Variants in RALB observed in about 807,000 individuals in gnomAD.
RALB encodes the protein RAS like proto-oncogene B, also known as ras-related protein Ral-B.
In RALB, 16 loss-of-function variants were observed where a neutral mutation model predicts 21.3. The ratio of observed to expected loss-of-function variants is 0.75; its 90% CI spans 0.51 to 1.14. The LOEUF is 1.14. RALB is among the 50% of genes most tolerant of loss of function. The probability of loss-of-function intolerance (pLI) is 0.00; values close to 1 mark genes in which losing one functional copy is unlikely to be tolerated. For missense variants in RALB, 161 were observed against 256.2 expected (o/e 0.63, Z 2.54); for synonymous variants, 93 against 96.1 (o/e 0.97, Z 0.19).
chr2:120,241,833 G>T (rs1320429789), intron 1 of RALB, among the ~76,000 whole-genome samples: 3 of 152,216 alleles, frequency 2.0e-5, no homozygotes, highest in African/African-American at 7.2e-5. Flanking sequence ...ATGCGTAATG[G>T]TGCAGTTGCT....
chr2:120,260,626 C>T (rs1689340289), intron 1 of RALB, among the ~76,000 whole-genome samples: 1 of 152,138 alleles, frequency 6.6e-6, no homozygotes, highest in South Asian at 2.1e-4. Context: ...GAGAAAGGGC[C>T]CAGAGAGCCA....
chr2:120,243,897 C>G (rs1251088097), intron 1 of RALB, among the ~76,000 whole-genome samples: 1 of 152,136 alleles, frequency 6.6e-6, no homozygotes, highest in Non-Finnish European at 1.5e-5. Flanking sequence ...CAGACATTGG[C>G]TGTATTAGTC....
At chr2:120,243,246 T>C (rs965208174) in intron 1 of RALB, among the ~76,000 whole-genome samples, 6 of 152,206 alleles carry the variant, frequency 3.9e-5, no homozygotes, top group African/African-American at 7.2e-5. Context: ...GGCCATGTAA[T>C]TGGTCGTGAA....
Position 120,293,381 on chromosome 2 carries a change from C to A in RALB, c.*121C>A. On this transcript the variant is annotated 3_prime_UTR_variant, in exon 5 of 5. Coordinates refer to ENST00000272519, the MANE Select transcript of RALB (RefSeq NM_002881.3). ...CTCTCCCCGACTTCATTCACTCAAA[C>A]TTCTTTAAATGGGGAAAAATATTTG... is the stretch of plus-strand genomic sequence containing the variant. 1.8e-6 allele frequency: 2 copies of A among 1,118,070 alleles called. No individual in the cohort carries two copies. The highest frequency in any genetic ancestry group is 1.2e-6 in the Non-Finnish European group (1 of 843,720). The allele number at this position is 1,118,070 out of a possible 1,614,324, so 69.3% of individuals were successfully genotyped here.
rs189876678 is a variant in RALB at position 120,261,555 on chromosome 2, G to A, written c.-48+8575G>A. Among the ~76,000 whole-genome samples the A allele has an allele frequency of 1.2e-4, 18 of 152,278 alleles. No individual in the cohort carries two copies. The East Asian group carries it at 2.7e-3, about 23-fold the overall frequency. ...AGGAAGTGTGGGGGAATGCCCATTC[G>A]TGGTTTGTGATCATAAGTGCATTGA... On this transcript the variant is annotated intron_variant, in intron 1 of 4. Transcript: ENST00000272519.
intron 1 of RALB, among the ~76,000 whole-genome samples, chr2:120,268,289 C>T (rs1160364016): frequency 6.7e-6 from 1 of 148,914 alleles, no homozygotes; most frequent in East Asian, 1.9e-4. Context: ...CTCCTGAGTC[C>T]CAGCCCTATC....
intron 1 of RALB, among the ~76,000 whole-genome samples, chr2:120,264,106 C>A (rs1689438463): frequency 6.6e-6 from 1 of 151,786 alleles, no homozygotes; most frequent in Admixed American, 6.6e-5. Context: ...GCCTCAGCCT[C>A]CCAAAGTGCT....
chr2:120,254,465 C>T (rs1231299922), intron 1 of RALB, among the ~76,000 whole-genome samples: 1 of 152,090 alleles, frequency 6.6e-6, no homozygotes, highest in Admixed American at 6.5e-5. Flanking sequence ...AGAACATTTT[C>T]CCAGGATTGT....
At chr2:120,270,593 A>G (rs779521798) in intron 1 of RALB, among the ~76,000 whole-genome samples, 6 of 128,534 alleles carry the variant, frequency 4.7e-5, no homozygotes, top group Non-Finnish European at 8.3e-5. Flanking sequence ...AGACACAACA[A>G]TGGAAAATAA....
chr2:120,246,749 T>G (rs772520134), intron 1 of RALB, among the ~76,000 whole-genome samples: 4 of 152,174 alleles, frequency 2.6e-5, no homozygotes, highest in African/African-American at 4.8e-5. Context: ...GACTGGACCT[T>G]CAGGTGCTCT....
chr2:120,275,937 T>C (rs1689782123), intron 1 of RALB, among the ~76,000 whole-genome samples: 1 of 152,142 alleles, frequency 6.6e-6, no homozygotes, highest in Non-Finnish European at 1.5e-5. Flanking sequence ...TGCAGGGGTT[T>C]TTACAGATGT....
chr2:120,252,727 C>T (rs1411433008), upstream of RALB: 1 of 960,082 alleles, frequency 1.0e-6, no homozygotes, highest in Non-Finnish European at 1.2e-6. Context: ...GGAAAATCAG[C>T]CTCGGATTGG....
intron 4 of RALB, among the ~76,000 whole-genome samples, chr2:120,290,066 T>A (rs1409801556): frequency 6.6e-6 from 1 of 152,190 alleles, no homozygotes; most frequent in African/African-American, 2.4e-5. Context: ...TGGTGTGATC[T>A]CAGTTCACTG....
chr2:120,284,352 C>G (rs1332628284), intron 2 of RALB, among the ~76,000 whole-genome samples: 2 of 152,022 alleles, frequency 1.3e-5, no homozygotes, highest in Non-Finnish European at 2.9e-5. Context: ...TAAATCACAG[C>G]CTTATTAAGA....
intron 2 of RALB, chr2:120,280,982 G>GT (rs113320941): frequency 0.17 from 58,554 of 338,626 alleles, 8,472 homozygotes; most frequent in African/African-American, 0.52. Context: ...GTTTGTATTA[G>GT]TTTTTTTTAT....
rs1690365388 is a variant in RALB at position 120,293,894 on chromosome 2, T to C, written c.*634T>C. 2.8e-6 allele frequency: 1 copy of C among 358,594 alleles called. No individual in the cohort carries two copies. Among genetic ancestry groups the C allele is most frequent in the African/African-American group, 2.1e-5 (1 of 47,864 alleles). 22.2% of individuals were successfully genotyped at this position (358,594 alleles called of 1,614,324 possible). A position where few individuals can be genotyped will look rare whatever the true frequency, so the allele number is the denominator to read the frequency against. On this transcript the variant is annotated 3_prime_UTR_variant, in exon 5 of 5. Transcript: ENST00000272519. ...AAAGTTGTGAGTTGTTTTCCTCTTATTTAAACATTGGCCTATTATAATCTG... is the reference window on the plus strand; with the variant it reads ...AAAGTTGTGAGTTGTTTTCCTCTTACTTAAACATTGGCCTATTATAATCTG...
At chr2:120,262,439 G>A (rs1689389098) in intron 1 of RALB, among the ~76,000 whole-genome samples, 1 of 152,176 alleles carries the variant, frequency 6.6e-6, no homozygotes. Flanking sequence ...TGGTGTGCCT[G>A]AGGTTGCAGG....
intron 1 of RALB, among the ~76,000 whole-genome samples, chr2:120,266,997 C>T (rs1689520433): frequency 6.6e-6 from 1 of 151,948 alleles, no homozygotes; most frequent in African/African-American, 2.4e-5. Context: ...CGGGGGATAT[C>T]TAGGAAGGTG....
At chr2:120,253,763 G>A (rs767637064) in intron 1 of RALB, 1 of 967,874 alleles carries the variant, frequency 1.0e-6, no homozygotes, top group Non-Finnish European at 1.2e-6. Flanking sequence ...GCTTGTGCCT[G>A]GCGGACTGAA....
Sources: allele counts gnomAD v4.1 joint callset (sites outside exome capture counted in the v4.1 genomes callset), GRCh38; gene constraint gnomAD v4.1.1; transcripts MANE v1.5; gene names NCBI Gene and HGNC (gene_info 2026-07-23, HGNC 2026-07-21).